Variants in PLAC1 observed in about 807,000 individuals in gnomAD.
PLAC1 encodes the protein placenta-specific protein 1.
For synonymous variants in PLAC1, 68 were observed against 62.1 expected, an observed-to-expected ratio of 1.09 and a Z score of -0.44; for missense variants, 136 against 163.2, an observed-to-expected ratio of 0.83 and a Z score of 0.91.
In PLAC1 at chrX:134,584,075, G is replaced by A. The variant is rs59160849; in HGVS notation, c.-58-17335C>T. 3.1e-3 allele frequency among the ~76,000 whole-genome samples: 335 copies of A among 108,686 alleles called. 7 individuals carry two copies. Among genetic ancestry groups the A allele is most frequent in the African/African-American group, 0.011 (315 of 29,974 alleles). 94.4% of individuals were successfully genotyped at this position (108,686 alleles called of 115,157 possible). On this transcript the variant is annotated intron_variant, in intron 2 of 2. Transcript: ENST00000359237. ...TCTGGGCAGGCAGAGAAAGAAATCCGAGTCATGGCAAACTTTTCCTGACTA... is the reference window on the plus strand; with the variant it reads ...TCTGGGCAGGCAGAGAAAGAAATCCAAGTCATGGCAAACTTTTCCTGACTA...
chrX:134,599,118 G>C (rs1240478066), intron 2 of PLAC1, among the ~76,000 whole-genome samples: 1 of 111,484 alleles, frequency 9.0e-6, no homozygotes, highest in Non-Finnish European at 1.9e-5. Flanking sequence ...ATTTGGATTA[G>C]CATAGTATCT....
upstream of PLAC1, among the ~76,000 whole-genome samples, chrX:134,660,959 C>G (rs1286719756): frequency 9.8e-6 from 1 of 101,595 alleles, no homozygotes; most frequent in African/African-American, 3.7e-5. Flanking sequence ...AAATTATCAT[C>G]CCCTTCATCC....
intron 1 of PLAC1, among the ~76,000 whole-genome samples, chrX:134,648,964 T>G (rs775015820): frequency 9.0e-6 from 1 of 111,456 alleles, no homozygotes; most frequent in African/African-American, 3.3e-5. Flanking sequence ...AACTTACAAT[T>G]AGGTTATATT....
At chrX:134,573,016 G>T in intron 2 of PLAC1, among the ~76,000 whole-genome samples, 1 of 111,542 alleles carries the variant, frequency 9.0e-6, no homozygotes. Flanking sequence ...AGAAATTTCC[G>T]CTGGGTCGCA....
rs762888007 is a variant in PLAC1 at position 134,610,127 on chromosome X, G to A, written c.-130-8005C>T. Among the ~76,000 whole-genome samples the A allele has an allele frequency of 1.1e-4, 12 of 111,056 alleles. No homozygotes were observed. In the South Asian group the frequency reaches 3.5e-3, roughly 32 times the overall value. On this transcript the variant is annotated intron_variant, in intron 1 of 2. Transcript: ENST00000359237. ...TGAGTAGCTGGGATTACAGGCGTGCGCCACCACACCCGGATAATTTTTATA... is the reference window on the plus strand; with the variant it reads ...TGAGTAGCTGGGATTACAGGCGTGCACCACCACACCCGGATAATTTTTATA...
chrX:134,677,784 G>A (rs990966484), intron 2 of PLAC1, among the ~76,000 whole-genome samples: 5 of 111,672 alleles, frequency 4.5e-5, no homozygotes, highest in Non-Finnish European at 9.4e-5. Flanking sequence ...TAAAAAGTTC[G>A]ATTTGGCTCT....
rs757831212 is a variant in PLAC1, at chrX:134,589,650, C to T, written c.-59+12401G>A. 1.1e-4 allele frequency among the ~76,000 whole-genome samples: 12 copies of T among 104,393 alleles called. No homozygotes were observed. The South Asian group carries it at 2.3e-3, about 20-fold the overall frequency. 90.7% of individuals were successfully genotyped at this position (104,393 alleles called of 115,157 possible). On this transcript the variant is annotated intron_variant, in intron 2 of 2. Transcript: ENST00000359237. ...GCTGAGGCAGGAGAATTGCTTGAAC[C>T]GGGGAGGCAGAGGTTTCAGTGAGCT...
At chrX:134,677,618 C>T (rs750467328) in intron 2 of PLAC1, among the ~76,000 whole-genome samples, 1 of 110,936 alleles carries the variant, frequency 9.0e-6, no homozygotes, top group East Asian at 2.8e-4. Flanking sequence ...GTGGCTGGAA[C>T]GTAGTGAGTA....
At chrX:134,650,778 A>G (rs1316291940) in intron 1 of PLAC1, 1 of 114,656 alleles carries the variant, frequency 8.7e-6, no homozygotes, top group Admixed American at 9.3e-5. Context: ...TCTATCCCAA[A>G]CTGTGAGACT....
intron 1 of PLAC1, among the ~76,000 whole-genome samples, chrX:134,653,136 G>A: frequency 8.9e-6 from 1 of 112,513 alleles, no homozygotes. Flanking sequence ...TATATGAGAA[G>A]AGTCCTGGCC....
intron 1 of PLAC1, among the ~76,000 whole-genome samples, chrX:134,656,317 C>G (rs1180034064): frequency 1.8e-5 from 2 of 111,872 alleles, no homozygotes; most frequent in African/African-American, 6.5e-5. Flanking sequence ...CTTATCTGGC[C>G]TTCCATTTTC....
intron 1 of PLAC1, among the ~76,000 whole-genome samples, chrX:134,609,376 G>A (rs1356956908): frequency 1.8e-5 from 2 of 112,043 alleles, no homozygotes; most frequent in African/African-American, 6.5e-5. Flanking sequence ...TAAGCTACAC[G>A]AAGGCAGGGA....
intron 1 of PLAC1, among the ~76,000 whole-genome samples, chrX:134,611,910 G>A (rs991433256): frequency 7.2e-5 from 8 of 111,112 alleles, no homozygotes; most frequent in Admixed American, 9.6e-5. Context: ...TCAGCCTCTG[G>A]CTCTTGGCCT....
At chrX:134,729,257 A>C (rs1051131945) in intron 2 of PLAC1, among the ~76,000 whole-genome samples, 5 of 112,061 alleles carry the variant, frequency 4.5e-5, no homozygotes, top group Non-Finnish European at 9.4e-5. Flanking sequence ...GGAAATGATA[A>C]GACTAGATAC....
At chrX:134,669,780 G>A (rs1169959407) in intron 2 of PLAC1, among the ~76,000 whole-genome samples, 2 of 112,451 alleles carry the variant, frequency 1.8e-5, no homozygotes, top group African/African-American at 6.5e-5. Flanking sequence ...GGAAGACAAG[G>A]CTGAAGCGGG....
At chrX:134,653,563 G>C (rs1243130016) in intron 1 of PLAC1, among the ~76,000 whole-genome samples, 1 of 111,128 alleles carries the variant, frequency 9.0e-6, no homozygotes, top group East Asian at 2.8e-4. Flanking sequence ...CAATGCAGAG[G>C]GTGAGTTAGA....
intron 2 of PLAC1, among the ~76,000 whole-genome samples, chrX:134,567,582 C>T (rs771309109): frequency 2.7e-5 from 3 of 109,783 alleles, no homozygotes; most frequent in East Asian, 5.7e-4. Flanking sequence ...ATAGTGAGAG[C>T]CTGTCTCTAT....
intron 1 of PLAC1, chrX:134,604,618 A>G (rs2078113746): frequency 8.9e-6 from 1 of 111,976 alleles, no homozygotes; most frequent in African/African-American, 3.2e-5. Flanking sequence ...AAGAGAGTTG[A>G]AACAGACCCC....
At chrX:134,699,397 GA>G (rs916961947) in intron 2 of PLAC1, among the ~76,000 whole-genome samples, 1 of 111,708 alleles carries the variant, frequency 9.0e-6, no homozygotes, top group African/African-American at 3.3e-5. Flanking sequence ...CTTGGAAGTG[GA>G]AAAAAGGCCT....
Sources: gnomAD v4.1 joint callset for allele counts (sites outside exome capture counted in the v4.1 genomes callset) on GRCh38, gnomAD v4.1.1 for gene constraint, MANE v1.5 for transcripts, NCBI Gene and HGNC (gene_info 2026-07-23, HGNC 2026-07-21) for gene names.